The following KIF1B variants were observed in gnomAD, a reference collection of about 807,000 sequenced individuals.
KIF1B encodes kinesin-like protein KIF1B.
KIF1B carries 76 observed loss-of-function variants against 241.9 expected under a neutral mutation model. That is an observed-to-expected ratio of 0.31 (90% confidence interval 0.26 to 0.38). The LOEUF is 0.38. Ranked by LOEUF, KIF1B falls within the 10% of genes least tolerant of loss-of-function variation. KIF1B has a pLI of 1.00. For synonymous variants in KIF1B, 750 were observed against 796.7 expected, an observed-to-expected ratio of 0.94 and a Z score of 0.99; for missense variants, 1,622 against 2,271.4, an observed-to-expected ratio of 0.71 and a Z score of 5.81.
At chr1:10,372,540 T>C (rs1464283516) in intron 45 of KIF1B, among the ~76,000 whole-genome samples, 1 of 150,540 alleles carries the variant, frequency 6.6e-6, no homozygotes, top group East Asian at 2.0e-4. Flanking sequence ...CAGCCAGGCA[T>C]AGGGGCATGT....
intron 25 of KIF1B, among the ~76,000 whole-genome samples, chr1:10,324,404 A>G (rs1037888154): frequency 6.6e-6 from 1 of 152,178 alleles, no homozygotes; most frequent in Non-Finnish European, 1.5e-5. Context: ...ATAAACATGG[A>G]AGTTATAATC....
intron 37 of KIF1B, among the ~76,000 whole-genome samples, chr1:10,351,072 T>TC (rs1491451142): frequency 0.024 from 1,385 of 58,554 alleles, 22 homozygotes; most frequent in African/African-American, 0.092. Flanking sequence ...CAAGACCCTG[T>TC]CAAAAAAAAA....
chr1:10,211,414 G>A (rs965709786), intron 1 of KIF1B, among the ~76,000 whole-genome samples: 2 of 152,206 alleles, frequency 1.3e-5, no homozygotes, highest in South Asian at 2.1e-4. Context: ...GAAGGGAGGG[G>A]GCTTGTTGGA....
chr1:10,250,806 A>G (rs1569571746), intron 2 of KIF1B, among the ~76,000 whole-genome samples: 1 of 150,910 alleles, frequency 6.6e-6, no homozygotes, highest in South Asian at 2.1e-4. Flanking sequence ...AGCCTGGGTG[A>G]CAGACCGTGA....
intron 1 of KIF1B, among the ~76,000 whole-genome samples, chr1:10,227,367 A>G (rs900555634): frequency 6.6e-6 from 1 of 152,022 alleles, no homozygotes; most frequent in Admixed American, 6.5e-5. Flanking sequence ...TGTCTCCCCA[A>G]TTATGCTATT....
intron 27 of KIF1B, among the ~76,000 whole-genome samples, chr1:10,328,930 CCTGGTTAAGACTT>C (rs1651820387): frequency 6.6e-6 from 1 of 152,160 alleles, no homozygotes; most frequent in Admixed American, 6.5e-5. Context: ...AAATGAATAT[CCTGGTTAAGACTT>C]CTACTAAGAA....
intron 1 of KIF1B, among the ~76,000 whole-genome samples, chr1:10,213,712 AGGTACT>A (rs1557638997): frequency 6.6e-6 from 1 of 152,206 alleles, no homozygotes. Context: ...TCGTTTGAAC[AGGTACT>A]GGTGAATATC....
chr1:10,333,939 T>G (rs1346783361), intron 27 of KIF1B, among the ~76,000 whole-genome samples: 1 of 151,564 alleles, frequency 6.6e-6, no homozygotes, highest in Non-Finnish European at 1.5e-5. Context: ...GATCACAAGG[T>G]CAGGAGATTG....
intron 40 of KIF1B, 138 bp from the exon 41 acceptor site, chr1:10,363,145 G>A: frequency 1.5e-6 from 1 of 657,474 alleles, no homozygotes; most frequent in Non-Finnish European, 2.7e-6. Flanking sequence ...AATAAGAAAA[G>A]AGCGGTGACA....
At chr1:10,221,515 A>AG (rs1323359049) in intron 1 of KIF1B, among the ~76,000 whole-genome samples, 5 of 152,074 alleles carry the variant, frequency 3.3e-5, no homozygotes, top group Admixed American at 6.6e-5. Context: ...ACACACACCA[A>AG]TTCTTAAATT....
At chr1:10,328,499 G>A (rs1225351270) in intron 27 of KIF1B, among the ~76,000 whole-genome samples, 3 of 152,216 alleles carry the variant, frequency 2.0e-5, no homozygotes, top group Non-Finnish European at 4.4e-5. Context: ...TTTCAGAGAA[G>A]CTGATTTTTA....
In KIF1B at chr1:10,320,150, AC is replaced by A; in HGVS notation, c.2209+16del. Reference sequence around the variant, plus strand: ...AAGAGGAAGAAGGTGAAATCTAGAGACCGAAAGTTTCCTGTGTATATCTTTT... The same window carrying A: ...AAGAGGAAGAAGGTGAAATCTAGAGACGAAAGTTTCCTGTGTATATCTTTT... On this transcript the variant is annotated intron_variant, in intron 23 of 48. Coordinates refer to ENST00000676179, the MANE Select transcript of KIF1B (RefSeq NM_001365951.3). 1 of 1,562,608 alleles carries A rather than the reference AC, an allele frequency of 6.4e-7. No homozygotes were observed. Among genetic ancestry groups the A allele is most frequent in the Non-Finnish European group, 8.8e-7 (1 of 1,133,868 alleles).
chr1:10,331,295 C>T (rs998480545), intron 27 of KIF1B, among the ~76,000 whole-genome samples: 6 of 152,170 alleles, frequency 3.9e-5, no homozygotes, highest in Non-Finnish European at 7.3e-5. Flanking sequence ...ATACCTTACG[C>T]CAAATTCTTT....
rs566351289 is a variant in KIF1B at position 10,245,119 on chromosome 1, A to T, written c.107-11128A>T. On this transcript the variant is annotated intron_variant, in intron 2 of 48. Transcript: ENST00000676179. ...AACAGTATAATTACTAGACACTGAG[A>T]TATTAGATAAATTTATTCTGGGGAA... 5.3e-5 allele frequency among the ~76,000 whole-genome samples: 8 copies of T among 152,344 alleles called. No homozygotes were observed. The South Asian group carries it at 1.7e-3, about 32-fold the overall frequency.
Position 10,249,853 on chromosome 1 carries a change from A to T in KIF1B, c.107-6394A>T, listed in dbSNP as rs1354535873. ...AGGAGGCTGAGGATGCGTGAGCTGT[A>T]ATCTCACCACTGCACTCCAGCCTAG... On this transcript the variant is annotated intron_variant, in intron 2 of 48. Coordinates refer to ENST00000676179, the MANE Select transcript of KIF1B (RefSeq NM_001365951.3). Among the ~76,000 whole-genome samples the T allele has an allele frequency of 3.3e-5, 5 of 152,184 alleles. No individual in the cohort carries two copies. In the South Asian group the frequency reaches 6.2e-4, roughly 19 times the overall value.
At chr1:10,343,345 T>C (rs1009928982) in intron 34 of KIF1B, 58 bp downstream of exon 34, 95 of 1,513,954 alleles carry the variant, frequency 6.3e-5, no homozygotes, top group Non-Finnish European at 8.3e-5. Flanking sequence ...TGTCTTATTC[T>C]GAATGACTTT....
intron 22 of KIF1B, among the ~76,000 whole-genome samples, chr1:10,318,348 GCT>G (rs1451338099): frequency 1.3e-5 from 2 of 151,504 alleles, no homozygotes; most frequent in African/African-American, 2.5e-5. Context: ...GACTTGGAGA[GCT>G]CTGTTTGGAA....
chr1:10,231,378 C>CTTTTTTTTT (rs35213507), intron 1 of KIF1B, among the ~76,000 whole-genome samples: 80 of 85,734 alleles, frequency 9.3e-4, no homozygotes, highest in African/African-American at 1.1e-3. Flanking sequence ...GTTCAGTGCC[C>CTTTTTTTTT]TTTTTTTTTT....
chr1:10,313,709 C>A (rs1372576211), intron 22 of KIF1B, among the ~76,000 whole-genome samples: 1 of 150,542 alleles, frequency 6.6e-6, no homozygotes, highest in African/African-American at 2.5e-5. Context: ...CACCACCACA[C>A]CCGGCTAATT....
Sources: allele counts gnomAD v4.1 joint callset (sites outside exome capture counted in the v4.1 genomes callset), GRCh38; gene constraint gnomAD v4.1.1; transcripts MANE v1.5; gene names NCBI Gene and HGNC (gene_info 2026-07-23, HGNC 2026-07-21).